DNAAF9: variants seen among roughly 807,000 people sequenced by gnomAD.
The protein encoded by DNAAF9 is shulin.
DNAAF9 carries 90 observed loss-of-function variants against 167.0 expected under a neutral mutation model. The ratio of observed to expected loss-of-function variants is 0.54; its 90% CI spans 0.45 to 0.64. The LOEUF (loss-of-function observed/expected upper bound fraction) is 0.64, where lower values mean the gene tolerates loss of function less well. DNAAF9 is among the 30% of genes least tolerant of loss of function. The pLI is 0.00. For synonymous variants in DNAAF9, 491 were observed against 508.8 expected, an observed-to-expected ratio of 0.96 and a Z score of 0.47; for missense variants, 1,315 against 1,442.2, an observed-to-expected ratio of 0.91 and a Z score of 1.43.
intron 6 of DNAAF9, among the ~76,000 whole-genome samples, chr20:3,371,375 G>C (rs1181313988): frequency 8.8e-6 from 1 of 113,784 alleles, no homozygotes; most frequent in Non-Finnish European, 1.6e-5. Context: ...CTGGAGTCTC[G>C]CTCTGTGGCC....
chr20:3,369,037 G>C (rs1254559377), intron 6 of DNAAF9, among the ~76,000 whole-genome samples: 3 of 151,792 alleles, frequency 2.0e-5, no homozygotes, highest in African/African-American at 7.3e-5. Flanking sequence ...GTTGTGGCAG[G>C]AGAATCGTTT....
chr20:3,394,512 C>T (rs1201156475), intron 1 of DNAAF9, among the ~76,000 whole-genome samples: 1 of 152,006 alleles, frequency 6.6e-6, no homozygotes, highest in East Asian at 1.9e-4. Flanking sequence ...TTGTGCCTTC[C>T]CCAGTCAGTA....
intron 25 of DNAAF9, among the ~76,000 whole-genome samples, chr20:3,290,981 G>A (rs1441564300): frequency 1.3e-5 from 2 of 152,064 alleles, no homozygotes; most frequent in African/African-American, 4.8e-5. Context: ...TAGACACGGG[G>A]TTTCACCATG....
At chr20:3,327,336 T>G (rs1227205797) in intron 12 of DNAAF9, among the ~76,000 whole-genome samples, 1 of 152,062 alleles carries the variant, frequency 6.6e-6, no homozygotes, top group East Asian at 1.9e-4. Flanking sequence ...AATCAAAAAT[T>G]TCTCCAGACC....
At chr20:3,372,437 T>C (rs1244824324) in intron 6 of DNAAF9, among the ~76,000 whole-genome samples, 1 of 152,244 alleles carries the variant, frequency 6.6e-6, no homozygotes, top group East Asian at 1.9e-4. Flanking sequence ...TCCTTTATGA[T>C]GTGTACCATT....
At chr20:3,278,433 A>C (rs186864056) in intron 29 of DNAAF9, among the ~76,000 whole-genome samples, 1 of 152,328 alleles carries the variant, frequency 6.6e-6, no homozygotes, top group East Asian at 1.9e-4. Flanking sequence ...ATAAGAGACA[A>C]GCTCAGGCCA....
At chr20:3,362,880 T>C (rs2083381606) in intron 6 of DNAAF9, among the ~76,000 whole-genome samples, 1 of 152,214 alleles carries the variant, frequency 6.6e-6, no homozygotes, top group Non-Finnish European at 1.5e-5. Context: ...ACTTGTCTCC[T>C]CTTTCTTGGT....
At chr20:3,387,315 C>A (rs927484173) in intron 1 of DNAAF9, among the ~76,000 whole-genome samples, 4 of 152,066 alleles carry the variant, frequency 2.6e-5, no homozygotes, top group Admixed American at 6.6e-5. Context: ...ATATACAGAC[C>A]AATGAAACAG....
At chr20:3,331,223 G>C (rs974294024) in intron 11 of DNAAF9, among the ~76,000 whole-genome samples, 1 of 152,108 alleles carries the variant, frequency 6.6e-6, no homozygotes, top group Non-Finnish European at 1.5e-5. Context: ...CTAAATACCA[G>C]AGATGTGTGG....
chr20:3,257,063 G>A (rs2068294482), intron 33 of DNAAF9, among the ~76,000 whole-genome samples: 1 of 152,150 alleles, frequency 6.6e-6, no homozygotes. Flanking sequence ...TCACACAGAT[G>A]AGAATGGGAA....
chr20:3,296,652 A>C, intron 23 of DNAAF9: 1 of 544,926 alleles, frequency 1.8e-6, no homozygotes, highest in East Asian at 3.0e-5. Flanking sequence ...AAGTGTTGGG[A>C]TTACAAGTGT....
rs549175561 is a variant in DNAAF9 at position 3,292,573 on chromosome 20, C to T, written c.2238+1566G>A. Among the ~76,000 whole-genome samples, 5 of 151,498 alleles carry T rather than the reference C, an allele frequency of 3.3e-5. No individual in the cohort carries two copies. In the South Asian group the frequency reaches 1.0e-3, roughly 32 times the overall value. Reference sequence around the variant, plus strand: ...CTCGAAGTCAGGAGATCAAGACCAGCCTGGCAACATGGTGAAACTCTGCCT... The same window carrying T: ...CTCGAAGTCAGGAGATCAAGACCAGTCTGGCAACATGGTGAAACTCTGCCT... On this transcript the variant is annotated intron_variant, in intron 25 of 36. Coordinates refer to ENST00000252032, the MANE Select transcript of DNAAF9 (RefSeq NM_001009984.3).
chr20:3,294,681 C>T (rs2122936601), intron 23 of DNAAF9, 52 bp from the exon 24 acceptor site: 1 of 1,171,084 alleles, frequency 8.5e-7, no homozygotes, highest in East Asian at 2.4e-5. Flanking sequence ...TCAGCATATA[C>T]ACTTTACACA....
At chr20:3,339,750 T>C (rs2070041102) in intron 10 of DNAAF9, among the ~76,000 whole-genome samples, 1 of 152,192 alleles carries the variant, frequency 6.6e-6, no homozygotes, top group African/African-American at 2.4e-5. Flanking sequence ...ACAGGAAGCC[T>C]ACAGTGGCAT....
chr20:3,394,942 C>CTTTTTTTTTTTT lies in DNAAF9; in HGVS notation c.84-12437_84-12436insAAAAAAAAAAAA, dbSNP rs1258382355. On this transcript the variant is annotated intron_variant, in intron 1 of 36. Coordinates refer to ENST00000252032, the MANE Select transcript of DNAAF9 (RefSeq NM_001009984.3). ...TTCCATGGCTTTTACTGAACATTTT[C>CTTTTTTTTTTTT]TTTTTTCTTTTTTTTTTTTTTTTTT... 4.4e-4 allele frequency among the ~76,000 whole-genome samples: 39 copies of CTTTTTTTTTTTT among 89,050 alleles called. 10 individuals carry two copies. The highest frequency in any genetic ancestry group is 1.2e-3 in the Admixed American group (8 of 6,784). 58.4% of individuals were successfully genotyped at this position (89,050 alleles called of 152,430 possible).
intron 1 of DNAAF9, chr20:3,384,473 A>G (rs2083705652): frequency 1.3e-5 from 2 of 152,166 alleles, no homozygotes; most frequent in Middle Eastern, 3.4e-3. Flanking sequence ...AACAAAAAGT[A>G]TCAAAAAGAG....
Position 3,349,970 on chromosome 20 carries a change from C to G in DNAAF9, c.691-1347G>C, listed in dbSNP as rs369617088. ...GTTTGCTGCACCAAAACTCACTGGC[C>G]AGATCTACGCCCTCCTCCTCTCAAG... On this transcript the variant is annotated intron_variant, in intron 7 of 36. Coordinates refer to ENST00000252032, the MANE Select transcript of DNAAF9 (RefSeq NM_001009984.3). 2.7e-3 allele frequency among the ~76,000 whole-genome samples: 408 copies of G among 152,060 alleles called. 1 individual carries two copies. Among genetic ancestry groups the G allele is most frequent in the African/African-American group, 9.2e-3 (383 of 41,466 alleles).
chr20:3,278,697 C>T (rs997855173), intron 29 of DNAAF9, among the ~76,000 whole-genome samples: 19 of 152,022 alleles, frequency 1.2e-4, no homozygotes, highest in Admixed American at 4.6e-4. Flanking sequence ...CCAATCTGGG[C>T]GACAGAGTAA....
chr20:3,251,918 G>A lies in DNAAF9; in HGVS notation c.*654C>T, dbSNP rs924021749. The A allele has an allele frequency of 2.6e-5, 4 of 152,418 alleles. No homozygotes were observed. Among genetic ancestry groups the A allele is most frequent in the Non-Finnish European group, 4.4e-5 (3 of 68,172 alleles). 9.4% of individuals were successfully genotyped at this position (152,418 alleles called of 1,614,324 possible). A position where few individuals can be genotyped will look rare whatever the true frequency, so the allele number is the denominator to read the frequency against. On this transcript the variant is annotated 3_prime_UTR_variant, in exon 37 of 37. Transcript: ENST00000252032. ...CTTAAGAGCCACACACCTCTGGAAA[G>A]CAACAAGCCTCTCCTTCAGTTTAGT...
Sources: allele counts gnomAD v4.1 joint callset (sites outside exome capture counted in the v4.1 genomes callset), GRCh38; gene constraint gnomAD v4.1.1; transcripts MANE v1.5; gene names NCBI Gene and HGNC (gene_info 2026-07-23, HGNC 2026-07-21).